NBEA: variants seen among roughly 807,000 people sequenced by gnomAD.
NBEA encodes neurobeachin, also known as lysosomal-trafficking regulator 2.
A neutral mutation model predicts 343.4 loss-of-function variants in NBEA; 44 were observed. That is an observed-to-expected ratio of 0.13 (90% CI 0.10 to 0.16). The LOEUF (loss-of-function observed/expected upper bound fraction) is 0.16. NBEA is among the 10% of genes least tolerant of loss of function. NBEA has a pLI of 1.00. For synonymous variants in NBEA, 1,175 were observed against 1,238.7 expected (o/e 0.95, Z 1.08); for missense variants, 2,555 against 3,631.3 (o/e 0.70, Z 7.62).
At chr13:35,054,188 T>G (rs931357027) in intron 6 of NBEA, among the ~76,000 whole-genome samples, 1 of 152,148 alleles carries the variant, frequency 6.6e-6, no homozygotes, top group African/African-American at 2.4e-5. Flanking sequence ...GTTTACACAT[T>G]TTATTCCACA....
At chr13:35,334,358 C>T (rs1206296530) in intron 36 of NBEA, among the ~76,000 whole-genome samples, 3 of 152,170 alleles carry the variant, frequency 2.0e-5, no homozygotes, top group Non-Finnish European at 2.9e-5. Flanking sequence ...CACCCTCCAA[C>T]TCACAGGTTC....
At chr13:35,332,213 A>AAATAGAGG (rs2038967540) in intron 36 of NBEA, among the ~76,000 whole-genome samples, 1 of 152,094 alleles carries the variant, frequency 6.6e-6, no homozygotes, top group Non-Finnish European at 1.5e-5. Flanking sequence ...TTTTTAAAAG[A>AAATAGAGG]AAATAAGAGG....
intron 47 of NBEA, among the ~76,000 whole-genome samples, chr13:35,602,352 A>G (rs975795064): frequency 2.0e-5 from 3 of 152,214 alleles, no homozygotes; most frequent in African/African-American, 7.2e-5. Flanking sequence ...CCAAAAAAAA[A>G]TCTCACCTCT....
Position 35,268,380 on chromosome 13 carries a change from G to T in NBEA, c.5777-22009G>T, listed in dbSNP as rs2033861658. On this transcript the variant is annotated intron_variant, in intron 34 of 58. Coordinates refer to ENST00000379939, the MANE Select transcript of NBEA (RefSeq NM_001385012.1). Reference sequence around the variant, plus strand: ...GGGGAATGGGGAGTTACTGTTTAATGGGTGTAAAGTTTCAGTTTTACAAAA... The same window carrying T: ...GGGGAATGGGGAGTTACTGTTTAATTGGTGTAAAGTTTCAGTTTTACAAAA... Among the ~76,000 whole-genome samples, 4 of 152,038 alleles carry T rather than the reference G, an allele frequency of 2.6e-5. No individual in the cohort carries two copies. The South Asian group carries it at 8.3e-4, about 32-fold the overall frequency.
At chr13:35,167,739 T>A (rs2070149658) in intron 24 of NBEA, among the ~76,000 whole-genome samples, 1 of 151,914 alleles carries the variant, frequency 6.6e-6, no homozygotes, top group South Asian at 2.1e-4. Context: ...TGTGACTAGT[T>A]AATTGAATCC....
chr13:35,468,269 G>A (rs2075483732), intron 40 of NBEA, among the ~76,000 whole-genome samples: 1 of 152,026 alleles, frequency 6.6e-6, no homozygotes, highest in Non-Finnish European at 1.5e-5. Context: ...TTCTCTTGTT[G>A]GACATAAACA....
At chr13:35,489,593 T>A (rs189748320) in intron 41 of NBEA, among the ~76,000 whole-genome samples, 77 of 152,034 alleles carry the variant, frequency 5.1e-4, no homozygotes, top group African/African-American at 1.9e-3. Context: ...CTGATGGACA[T>A]CAAAAGTAAA....
At chr13:34,988,392 C>T (rs890092547) in intron 1 of NBEA, among the ~76,000 whole-genome samples, 2 of 151,324 alleles carry the variant, frequency 1.3e-5, no homozygotes, top group Admixed American at 6.6e-5. Context: ...CTATGCCCTG[C>T]CCCCAGAGGT....
At chr13:35,350,843 T>A (rs997247004) in intron 37 of NBEA, among the ~76,000 whole-genome samples, 2 of 151,742 alleles carry the variant, frequency 1.3e-5, no homozygotes, top group African/African-American at 4.8e-5. Context: ...CTAGAACTTT[T>A]TGAGGAATTT....
chr13:35,273,559 G>A (rs1487208871), intron 34 of NBEA, among the ~76,000 whole-genome samples: 1 of 151,880 alleles, frequency 6.6e-6, no homozygotes, highest in Admixed American at 6.6e-5. Flanking sequence ...TTCAAAAAAA[G>A]TCAGTGAATC....
rs901174498 is a variant in NBEA at position 35,259,857 on chromosome 13, T to C, written c.5776+27238T>C. Among the ~76,000 whole-genome samples, 6 of 152,270 alleles carry C rather than the reference T, an allele frequency of 3.9e-5. 1 individual carries two copies. In the East Asian group the frequency reaches 1.2e-3, roughly 29 times the overall value. On this transcript the variant is annotated intron_variant, in intron 34 of 58. Transcript: ENST00000379939. Reference sequence around the variant, plus strand: ...ATTTTGTGTTACAACATAACTTCAATCAAAGAAATGTTATTTCAGGAATGA... The same window carrying C: ...ATTTTGTGTTACAACATAACTTCAACCAAAGAAATGTTATTTCAGGAATGA...
intron 34 of NBEA, chr13:35,251,423 G>A: frequency 1.9e-6 from 2 of 1,055,664 alleles, no homozygotes; most frequent in Non-Finnish European, 2.3e-6. Flanking sequence ...CCTCGTCAGT[G>A]GTGGCTCACT....
At chr13:35,201,568 A>G (rs965579051) in intron 31 of NBEA, among the ~76,000 whole-genome samples, 1 of 152,034 alleles carries the variant, frequency 6.6e-6, no homozygotes, top group Admixed American at 6.6e-5. Flanking sequence ...ATAATCTGGA[A>G]ATTAGGGGAA....
intron 30 of NBEA, among the ~76,000 whole-genome samples, chr13:35,194,862 G>A (rs925086691): frequency 2.0e-5 from 3 of 151,830 alleles, no homozygotes; most frequent in Admixed American, 6.6e-5. Flanking sequence ...CATTATCTGT[G>A]TAGTTATATG....
intron 1 of NBEA, among the ~76,000 whole-genome samples, chr13:34,999,803 A>G (rs1018949923): frequency 5.0e-5 from 1 of 19,846 alleles, no homozygotes; most frequent in Non-Finnish European, 8.0e-4. Flanking sequence ...ATGTTTAGGT[A>G]ACTTGATAAG....
At chr13:35,212,957 C>T (rs1198412428) in intron 33 of NBEA, among the ~76,000 whole-genome samples, 2 of 151,586 alleles carry the variant, frequency 1.3e-5, no homozygotes, top group African/African-American at 4.8e-5. Context: ...CTTCCATTTT[C>T]TGGCTTTTCT....
At chr13:35,178,700 A>G (rs915320473) in intron 28 of NBEA, among the ~76,000 whole-genome samples, 17 of 151,682 alleles carry the variant, frequency 1.1e-4, no homozygotes, top group Admixed American at 9.2e-4. Flanking sequence ...TAATAAACCT[A>G]TATTGTTTTT....
rs2062812999 is a variant in NBEA, at chr13:35,045,418, T to C, written c.723+17T>C. 1.9e-6 allele frequency: 3 copies of C among 1,546,290 alleles called. No individual in the cohort carries two copies. Among genetic ancestry groups the C allele is most frequent in the Non-Finnish European group, 2.6e-6 (3 of 1,133,538 alleles). ...AGCGCTGCGGTAAGTTTTAAATACA[T>C]GTGCTGATTTTTATTTATTTATTTT... On this transcript the variant is annotated intron_variant, in intron 4 of 58. Transcript: ENST00000379939.
At chr13:35,670,778 C>A (rs1179667725) in intron 58 of NBEA, 123 bp from the exon 59 acceptor site, 2 of 671,748 alleles carry the variant, frequency 3.0e-6, no homozygotes, top group Non-Finnish European at 2.6e-6. Flanking sequence ...TAAGACTTGG[C>A]AAACCTTGAG....
Sources: allele counts gnomAD v4.1 joint callset (sites outside exome capture counted in the v4.1 genomes callset), GRCh38; gene constraint gnomAD v4.1.1; transcripts MANE v1.5; gene names NCBI Gene and HGNC (gene_info 2026-07-23, HGNC 2026-07-21).